The following U2SURP variants were observed in gnomAD, a reference collection of about 807,000 sequenced individuals.
U2SURP encodes the protein U2 snRNP associated SURP domain containing.
A neutral mutation model predicts 144.9 loss-of-function variants in U2SURP; 9 were observed. That is an observed-to-expected ratio of 0.06 (90% confidence interval 0.04 to 0.11). U2SURP has a LOEUF of 0.11. U2SURP is among the 10% of genes least tolerant of loss of function. The pLI is 1.00. For synonymous variants in U2SURP, 408 were observed against 396.8 expected, an observed-to-expected ratio of 1.03 and a Z score of -0.33; for missense variants, 724 against 1,226.7, an observed-to-expected ratio of 0.59 and a Z score of 6.12.
intron 3 of U2SURP, among the ~76,000 whole-genome samples, chr3:143,013,097 A>T (rs546338995): frequency 2.2e-4 from 33 of 151,910 alleles, no homozygotes; most frequent in Middle Eastern, 3.4e-3. Context: ...CTTTTAAATG[A>T]TTGCTTATAT....
chr3:143,045,926 A>C (rs1934408515), intron 24 of U2SURP, among the ~76,000 whole-genome samples: 1 of 152,238 alleles, frequency 6.6e-6, no homozygotes, highest in Non-Finnish European at 1.5e-5. Flanking sequence ...CTCGGAGCTC[A>C]TGAGCTTTAT....
intron 20 of U2SURP, chr3:143,036,925 CA>C (rs1933844164): frequency 1.1e-5 from 5 of 455,704 alleles, no homozygotes; most frequent in Non-Finnish European, 1.6e-5. Context: ...GGCTCTATAA[CA>C]GGGGGACCAA....
At chr3:143,055,619 T>C (rs1441325767) in intron 27 of U2SURP, among the ~76,000 whole-genome samples, 3 of 152,194 alleles carry the variant, frequency 2.0e-5, no homozygotes, top group Non-Finnish European at 4.4e-5. Flanking sequence ...ATTTATCTGG[T>C]GATACATAGA....
intron 1 of U2SURP, among the ~76,000 whole-genome samples, chr3:143,008,469 A>G (rs964710903): frequency 2.0e-5 from 3 of 152,190 alleles, no homozygotes; most frequent in Admixed American, 2.0e-4. Flanking sequence ...CCCCCTTGCA[A>G]ATATTTCCCT....
intron 6 of U2SURP, among the ~76,000 whole-genome samples, chr3:143,017,547 G>A (rs1214944436): frequency 2.0e-5 from 3 of 151,244 alleles, no homozygotes; most frequent in Non-Finnish European, 1.5e-5. Context: ...TTTTTTGTGT[G>A]GCTTAAAAAA....
intron 2 of U2SURP, 130 bp from the exon 3 acceptor site, chr3:143,012,092 A>T: frequency 8.5e-7 from 1 of 1,177,366 alleles, no homozygotes; most frequent in Non-Finnish European, 1.2e-6. Flanking sequence ...TGGTGATATT[A>T]AGGGATGTGA....
rs1935175662 is a variant in U2SURP at position 143,056,854 on chromosome 3, T to G, written c.*404T>G. 5.6e-6 allele frequency: 1 copy of G among 177,088 alleles called. No homozygotes were observed. Among genetic ancestry groups the G allele is most frequent in the Non-Finnish European group, 1.2e-5 (1 of 82,354 alleles). 11.0% of individuals were successfully genotyped at this position (177,088 alleles called of 1,614,324 possible). A position where few individuals can be genotyped will look rare whatever the true frequency, so the allele number is the denominator to read the frequency against. ...CTGAACAGAAAACTATAATGTTGTT[T>G]TTTTGCCCCACCGGTGATATTAAGT... On this transcript the variant is annotated 3_prime_UTR_variant, in exon 28 of 28. Transcript: ENST00000473835.
At chr3:143,043,855 C>T (rs1368503701) in intron 24 of U2SURP, among the ~76,000 whole-genome samples, 7 of 151,032 alleles carry the variant, frequency 4.6e-5, no homozygotes, top group Non-Finnish European at 8.9e-5. Flanking sequence ...TGCAAGCTCT[C>T]CCTCCTGGGT....
chr3:143,004,155 G>A (rs28463805), intron 1 of U2SURP, among the ~76,000 whole-genome samples: 52,511 of 151,928 alleles, frequency 0.35, 10,385 homozygotes, highest in African/African-American at 0.55. Flanking sequence ...TACAGATGGA[G>A]TGAACAGATA....
chr3:143,016,754 ATTTTACTAATTTTTACTTGT>A (rs1936387798), intron 5 of U2SURP, 68 bp from the exon 6 acceptor site: 11 of 1,179,434 alleles, frequency 9.3e-6, no homozygotes, highest in Non-Finnish European at 1.0e-5. Context: ...TACTAAAAGC[ATTTTACTAATTTTTACTTGT>A]TTTTAAATAA....
intron 1 of U2SURP, chr3:143,002,408 C>T (rs1339983577): frequency 1.3e-5 from 2 of 152,188 alleles, no homozygotes; most frequent in Non-Finnish European, 2.9e-5. Context: ...TACAGGGAAC[C>T]CTGGGCACGT....
chr3:143,050,402 C>G (rs1362934077), intron 24 of U2SURP, among the ~76,000 whole-genome samples: 1 of 152,082 alleles, frequency 6.6e-6, no homozygotes, highest in Non-Finnish European at 1.5e-5. Context: ...TTTGCTCTTA[C>G]TGTCTCATAA....
intron 16 of U2SURP, among the ~76,000 whole-genome samples, chr3:143,032,516 G>A (rs1933562216): frequency 6.6e-6 from 1 of 152,184 alleles, no homozygotes; most frequent in Non-Finnish European, 1.5e-5. Context: ...TCTTAAAGAC[G>A]CTTGAAGAAA....
At chr3:143,040,926 A>G (rs1201030553) in intron 23 of U2SURP, among the ~76,000 whole-genome samples, 1 of 151,872 alleles carries the variant, frequency 6.6e-6, no homozygotes, top group Non-Finnish European at 1.5e-5. Flanking sequence ...TGTACATGCT[A>G]TTCTGTGACA....
At chr3:143,009,880 T>C (rs1315744575) in intron 1 of U2SURP, among the ~76,000 whole-genome samples, 2 of 152,238 alleles carry the variant, frequency 1.3e-5, no homozygotes, top group African/African-American at 4.8e-5. Flanking sequence ...TGACATCTTG[T>C]CTGGGAGTTG....
At chr3:143,055,810 CCTT>C (rs1233696128) in intron 27 of U2SURP, among the ~76,000 whole-genome samples, 4 of 151,984 alleles carry the variant, frequency 2.6e-5, no homozygotes, top group African/African-American at 9.7e-5. Context: ...TTTAAGTAAT[CCTT>C]CATGAACAGC....
At position 143,019,972 on chromosome 3, in the gene U2SURP, C is replaced by T; in HGVS notation, c.574C>T (p.Leu192Phe). The T allele has an allele frequency of 6.6e-7, 1 of 1,505,074 alleles. No homozygotes were observed. Among genetic ancestry groups the T allele is most frequent in the Non-Finnish European group, 8.9e-7 (1 of 1,118,868 alleles). 93.2% of individuals were successfully genotyped at this position (1,505,074 alleles called of 1,614,324 possible). A position where few individuals can be genotyped will look rare whatever the true frequency, so the allele number is the denominator to read the frequency against. The part of the protein sequence containing the change: ...LLVIETKKPP[L>F]KKGEKEKKKS... ...TAACTTGTCATATCCTTTATAGCCA[C>T]TTAAAAAAGGAGAGAAAGAAAAGAA... The change falls in exon 7 of 28, where the codon CTT becomes TTT. Residue 192 changes from leucine (L) to phenylalanine (F), a missense_variant. Around this residue, in one of 13 missense-constraint regions of U2SURP, gnomAD observed 115 missense variants for 258.1 expected, o/e 0.45. Coordinates refer to ENST00000473835, the MANE Select transcript of U2SURP (RefSeq NM_001080415.2).
At position 143,056,754 on chromosome 3, in the gene U2SURP, G is replaced by A. The variant is rs2108323968; in HGVS notation, c.*304G>A. 4.7e-6 allele frequency: 1 copy of A among 213,558 alleles called. No individual in the cohort carries two copies. The highest frequency in any genetic ancestry group is 1.2e-4 in the South Asian group (1 of 8,484). The allele number at this position is 213,558 out of a possible 1,614,324, so 13.2% of individuals were successfully genotyped here. A position where few individuals can be genotyped will look rare whatever the true frequency, so the allele number is the denominator to read the frequency against. On this transcript the variant is annotated 3_prime_UTR_variant, in exon 28 of 28. Coordinates refer to ENST00000473835, the MANE Select transcript of U2SURP (RefSeq NM_001080415.2). ...GTAGTATTTTGTTTTAGGATGTTGT[G>A]ACTTAGCAAAAATAATACAGATGTC...
intron 24 of U2SURP, among the ~76,000 whole-genome samples, chr3:143,046,314 TTTTTTTA>T (rs1934450698): frequency 1.4e-5 from 2 of 146,374 alleles, no homozygotes; most frequent in African/African-American, 2.5e-5. Context: ...TTTATTTTTA[TTTTTTTA>T]TTTTTTATTT....
Sources: gnomAD v4.1 joint callset for allele counts (sites outside exome capture counted in the v4.1 genomes callset) on GRCh38, gnomAD v4.1.1 for gene constraint, gnomAD v4.1.1 regional missense constraint, MANE v1.5 for transcripts, NCBI Gene and HGNC (gene_info 2026-07-23, HGNC 2026-07-21) for gene names.